SLC39A4: variants seen among roughly 807,000 people sequenced by gnomAD.
SLC39A4 encodes solute carrier family 39 member 4.
Under a neutral mutation model 56.6 loss-of-function variants are expected in SLC39A4, and 49 were observed. The ratio of observed to expected loss-of-function variants is 0.87; its 90% CI spans 0.69 to 1.10. The LOEUF is 1.10. Among genes scored for constraint, SLC39A4 ranks in the 50% least tolerant of loss-of-function variants. The pLI is 0.00. For missense variants in SLC39A4, 993 were observed against 864.2 expected (o/e 1.15, Z -1.87); for synonymous variants, 540 against 420.4 (o/e 1.28, Z -3.48).
At chr8:144,415,701 C>T (rs1202912862) in intron 2 of SLC39A4, 109 bp downstream of exon 2, 17 of 1,404,006 alleles carry the variant, frequency 1.2e-5, no homozygotes, top group Non-Finnish European at 1.5e-5. Flanking sequence ...GACTCCTGGG[C>T]GTCTCCCCAG....
In SLC39A4 at chr8:144,414,896, C is replaced by G. The variant is rs367737036; in HGVS notation, c.805G>C (p.Val269Leu). Reference sequence around the variant, plus strand: ...ATCACGTCCCTGGCACTCAGGCATACCTGGGGGGTGGCAGGACAGGCTCAG... The same window carrying G: ...ATCACGTCCCTGGCACTCAGGCATAGCTGGGGGGTGGCAGGACAGGCTCAG... Reference protein sequence around the residue: ...SSNSSSVWDTVCLSARDVMAA... With the variant: ...SSNSSSVWDTLCLSARDVMAA... The change falls in exon 5 of 12, where the codon GTA (valine) becomes CTA (leucine). Residue 269 changes from valine to leucine, a missense_variant and splice_region_variant. Transcript: ENST00000301305. 1 of 1,613,152 alleles carries G rather than the reference C, an allele frequency of 6.2e-7. No homozygotes were observed. The highest frequency in any genetic ancestry group is 1.7e-5 in the Admixed American group (1 of 59,996).
In SLC39A4 at chr8:144,412,631, G is replaced by A. The variant is rs61729885; in HGVS notation, c.1851C>T (p.Pro617=). The change falls in exon 12 of 12, where the codon CCC becomes CCT. Residue 617 remains proline, a synonymous_variant. Coordinates refer to ENST00000301305, the MANE Select transcript of SLC39A4 (RefSeq NM_130849.4). ...CGTTGTGCAGCAGGAAGAGGAGCCA[G>A]GGCCGCGGGTCCCGTACTTTCAACA... ...PAMLKVRDPR[P]WLLFLLHNVG... 2.0e-4 allele frequency: 322 copies of A among 1,614,102 alleles called. No individual in the cohort carries two copies. In the African/African-American group the frequency reaches 4.0e-3, roughly 20 times the overall value.
Position 144,415,294 on chromosome 8 carries a change from C to A in SLC39A4, c.600G>T (p.Pro200=). Residue 200 remains proline (P), a synonymous_variant, in exon 3 of 12, where the codon CCG becomes CCT. Transcript: ENST00000301305. ...VRSGSCFHAL[P]SPQYFVDFVF... ...CAAAGTCCACGAAGTACTGAGGGCT[C>A]GGCAAGGCGTGGAAGCAAGACCCGC... 2.5e-6 allele frequency: 4 copies of A among 1,613,194 alleles called. No individual in the cohort carries two copies. Among genetic ancestry groups the A allele is most frequent in the Non-Finnish European group, 3.4e-6 (4 of 1,179,842 alleles).
rs1821995089 is a variant in SLC39A4 at position 144,413,497 on chromosome 8, C to CACCTGG, written c.1474+15_1474+16insCCAGGT. 1 of 1,558,020 alleles carries CACCTGG rather than the reference C, an allele frequency of 6.4e-7. No individual in the cohort carries two copies. Among genetic ancestry groups the CACCTGG allele is most frequent in the East Asian group, 2.4e-5 (1 of 41,566 alleles). ...CCAGATCCCCCAGCCCTTCCGGGGT[C>CACCTGG]GCCCCCTGGGCTCACCTGGGCTCAG... On this transcript the variant is annotated intron_variant, in intron 9 of 11. Transcript: ENST00000301305.
chr8:144,415,457 G>A, intron 2 of SLC39A4, 38 bp from the exon 3 acceptor site: 1 of 1,561,148 alleles, frequency 6.4e-7, no homozygotes. Context: ...CCTTTGGTGT[G>A]ACCTTCTGCC....
At chr8:144,416,426 C>T in intron 1 of SLC39A4, 172 bp downstream of exon 1, 5 of 1,448,454 alleles carry the variant, frequency 3.5e-6, no homozygotes, top group Non-Finnish European at 3.6e-6. Context: ...CCTGTCTGCC[C>T]TCATGAGCAG....
At chr8:144,416,440 G>A (rs530559797) in intron 1 of SLC39A4, 158 bp downstream of exon 1, 7 of 1,452,586 alleles carry the variant, frequency 4.8e-6, no homozygotes, top group Admixed American at 2.5e-5. Flanking sequence ...TGAGCAGGAG[G>A]GTGGGCTCTG....
chr8:144,416,775 G>C lies in SLC39A4; in HGVS notation c.15C>G (p.Val5=), dbSNP rs782156890. The C allele has an allele frequency of 5.6e-6, 9 of 1,612,314 alleles. No homozygotes were observed. The Admixed American group carries it at 1.0e-4, about 18-fold the overall frequency. Residue 5 remains valine, a synonymous_variant, in exon 1 of 12, where the codon GTC becomes GTG. Transcript: ENST00000301305. MASL[V]SLELGLLLAV... is the part of the protein sequence containing the mutation. Reference sequence around the variant, plus strand: ...CCAGAAGCAGCCCCAGCTCCAGCGAGACCAGGGACGCCATACTCAGCTCCC... The same window carrying C: ...CCAGAAGCAGCCCCAGCTCCAGCGACACCAGGGACGCCATACTCAGCTCCC...
At chr8:144,413,464 C>A in intron 9 of SLC39A4, 49 bp downstream of exon 9, 1 of 1,569,296 alleles carries the variant, frequency 6.4e-7, no homozygotes, top group Non-Finnish European at 8.6e-7. Context: ...CCGCGCTCCA[C>A]ACAAACCCCA....
rs782314349 is a variant in SLC39A4, at chr8:144,415,353, C to T, written c.541G>A (p.Gly181Ser). 88 of 1,611,398 alleles carry T rather than the reference C, an allele frequency of 5.5e-5. No individual in the cohort carries two copies. The highest frequency in any genetic ancestry group is 7.2e-5 in the Non-Finnish European group (85 of 1,179,360). Residue 181 changes from glycine to serine, a missense_variant, in exon 3 of 12, where the codon GGC becomes AGC. Physicochemically the swap from Gly to Ser is moderately conservative, Grantham distance 56. Transcript: ENST00000301305. ...VGAGAPGSAG[G>S]VLAALLDHVR... is the part of the protein sequence containing the mutation. ...TGGTCCAGCAGGGCAGCCAGGACGCCGCCAGCACTGCCCGGAGCCCCCGCC... is the reference window on the plus strand; with the variant it reads ...TGGTCCAGCAGGGCAGCCAGGACGCTGCCAGCACTGCCCGGAGCCCCCGCC...
At chr8:144,413,921 A>G (rs1330728921) in intron 7 of SLC39A4, 37 bp downstream of exon 7, 18 of 1,610,290 alleles carry the variant, frequency 1.1e-5, no homozygotes, top group Admixed American at 1.7e-5. Context: ...GGCCCCCAGC[A>G]CACCCACCCG....
In SLC39A4 at chr8:144,412,426, A is replaced by G. The variant is rs1429381534; in HGVS notation, c.*112T>C. 6.4e-7 allele frequency: 1 copy of G among 1,557,068 alleles called. No homozygotes were observed. Reference sequence around the variant, plus strand: ...AGCACAGCCATGCTCCAAGGACAAGAGTGTCTTTACTGGAGTTGGGACTGG... The same window carrying G: ...AGCACAGCCATGCTCCAAGGACAAGGGTGTCTTTACTGGAGTTGGGACTGG... On this transcript the variant is annotated 3_prime_UTR_variant, in exon 12 of 12. Coordinates refer to ENST00000301305, the MANE Select transcript of SLC39A4 (RefSeq NM_130849.4).
rs113717209 is a variant in SLC39A4 at position 144,415,362 on chromosome 8, T to A, written c.532A>T (p.Ser178Cys). 8.5e-4 allele frequency: 1,367 copies of A among 1,610,696 alleles called. 9 individuals are homozygous for A. In the African/African-American group the frequency reaches 0.013, roughly 15 times the overall value. The change falls in exon 3 of 12, where the codon AGT becomes TGT. Residue 178 changes from serine (S) to cysteine (C), a missense_variant. By Grantham distance (112) the Ser-to-Cys change is moderately radical (BLOSUM62 -1). Coordinates refer to ENST00000301305, the MANE Select transcript of SLC39A4 (RefSeq NM_130849.4). ...AGGGCAGCCAGGACGCCGCCAGCAC[T>A]GCCCGGAGCCCCCGCCCCCACCGCC... ...EEAVGAGAPG[S>C]AGGVLAALLD...
At chr8:144,414,938 C>A in intron 4 of SLC39A4, 36 bp downstream of exon 4, 1 of 1,613,020 alleles carries the variant, frequency 6.2e-7, no homozygotes, top group Non-Finnish European at 8.5e-7. Flanking sequence ...AAGCAGACCC[C>A]GGTGAGGCCC....
Position 144,414,443 on chromosome 8 carries a change from G to C in SLC39A4, c.977-9C>G. The C allele has an allele frequency of 1.3e-6, 2 of 1,551,870 alleles. No homozygotes were observed. Among genetic ancestry groups the C allele is most frequent in the South Asian group, 1.2e-5 (1 of 84,172 alleles). On this transcript the variant is annotated splice_polypyrimidine_tract_variant and intron_variant, in intron 5 of 11. Transcript: ENST00000301305. ...GGAGCCGTACAGATACCCTGGGGGC[G>C]GGTGAGGCGGCTGTGAGAGCTTTTC...
chr8:144,412,547 G>A lies in SLC39A4; in HGVS notation c.1935C>T (p.Ile645=). The change falls in exon 12 of 12, where the codon ATC becomes ATT. Residue 645 remains isoleucine, a synonymous_variant. Coordinates refer to ENST00000301305, the MANE Select transcript of SLC39A4 (RefSeq NM_130849.4). ...GGACTAGGGCAGGGTATCAGAAGGT[G>A]ATGTCATCCTCGTACAGGGACAGCA... ...LLLLSLYEDD[I]TF 6 of 1,614,208 alleles carry A rather than the reference G, an allele frequency of 3.7e-6. No individual in the cohort carries two copies. In the South Asian group the frequency reaches 6.6e-5, roughly 18 times the overall value.
rs1564711885 is a variant in SLC39A4, at chr8:144,416,756, GCAGCCC to G, written c.28_33del (p.Gly10_Leu11del). The G allele has an allele frequency of 6.2e-7, 1 of 1,612,816 alleles. No homozygotes were observed. Among genetic ancestry groups the G allele is most frequent in the South Asian group, 1.1e-5 (1 of 91,054 alleles). ...GCCGTCACCACCAGCACAGCCAGAAGCAGCCCCAGCTCCAGCGAGACCAGGGACGCC... is the reference window on the plus strand; with the variant it reads ...GCCGTCACCACCAGCACAGCCAGAAGCAGCTCCAGCGAGACCAGGGACGCC... On this transcript the variant is annotated inframe_deletion, in exon 1 of 12. Transcript: ENST00000301305.
intron 8 of SLC39A4, 51 bp from the exon 9 acceptor site, chr8:144,413,618 T>A: frequency 1.9e-6 from 3 of 1,547,546 alleles, no homozygotes; most frequent in South Asian, 2.4e-5. Flanking sequence ...AGGAACGCGG[T>A]GGGGCGGGGC....
At position 144,413,768 on chromosome 8, in the gene SLC39A4, C is replaced by G. The variant is rs1822013719; in HGVS notation, c.1401G>C (p.Glu467Asp). ...CACTCACCAGGTCTGCGCGGGAGCCCTCGTGGGGGGGCTTGGGCTGCCGGA... is the reference window on the plus strand; with the variant it reads ...CACTCACCAGGTCTGCGCGGGAGCCGTCGTGGGGGGGCTTGGGCTGCCGGA... ...SELRQPKPPH[E>D]GSRADLVAEE... The change falls in exon 8 of 12, where the codon GAG becomes GAC. Residue 467 changes from glutamate (E) to aspartate (D), a missense_variant. Glu to Asp is a conservative substitution (Grantham distance 45). Transcript: ENST00000301305. 1.3e-6 allele frequency: 2 copies of G among 1,541,786 alleles called. No homozygotes were observed. Among genetic ancestry groups the G allele is most frequent in the South Asian group, 1.2e-5 (1 of 84,454 alleles).
Sources: gnomAD v4.1 joint callset for allele counts on GRCh38, gnomAD v4.1.1 for gene constraint, MANE v1.5 for transcripts, NCBI Gene and HGNC (gene_info 2026-07-23, HGNC 2026-07-21) for gene names.